Variants in TPTE observed in about 807,000 individuals in gnomAD.
TPTE encodes the protein transmembrane phosphatase with tensin homology.
A neutral mutation model predicts 84.1 loss-of-function variants in TPTE; 59 were observed. That is an observed-to-expected ratio of 0.70 (90% CI 0.57 to 0.87). The LOEUF (loss-of-function observed/expected upper bound fraction) is 0.87, where lower values mean the gene tolerates loss of function less well. TPTE is among the 40% of genes least tolerant of loss of function. The pLI is 0.00. For synonymous variants in TPTE, 130 were observed against 223.5 expected, an observed-to-expected ratio of 0.58 and a Z score of 3.73; for missense variants, 382 against 659.6, an observed-to-expected ratio of 0.58 and a Z score of 4.61.
At chr21:10,560,520 G>A (rs1486948325) in intron 9 of TPTE, among the ~76,000 whole-genome samples, 2 of 152,306 alleles carry the variant, frequency 1.3e-5, no homozygotes, top group Admixed American at 6.5e-5. Flanking sequence ...TCTGCTAGAA[G>A]CACCCATAAA....
intron 21 of TPTE, among the ~76,000 whole-genome samples, chr21:10,600,880 C>T (rs1305556753): frequency 6.6e-6 from 1 of 152,312 alleles, no homozygotes; most frequent in African/African-American, 2.4e-5. Context: ...TGGTCAAGTT[C>T]AAAGATCCCA....
At chr21:10,573,803 C>T (rs1224651730) in intron 14 of TPTE, among the ~76,000 whole-genome samples, 3 of 152,312 alleles carry the variant, frequency 2.0e-5, no homozygotes, top group African/African-American at 7.2e-5. Flanking sequence ...TGTGGTCTCT[C>T]ATTCTCCAGT....
intron 17 of TPTE, among the ~76,000 whole-genome samples, chr21:10,578,967 T>G (rs1211822923): frequency 1.3e-5 from 2 of 152,306 alleles, no homozygotes; most frequent in Admixed American, 6.5e-5. Flanking sequence ...AGGCTGATCT[T>G]TTTTATTTTT....
At chr21:10,572,467 A>AG (rs2075065171) in intron 14 of TPTE, among the ~76,000 whole-genome samples, 1 of 151,860 alleles carries the variant, frequency 6.6e-6, no homozygotes, top group African/African-American at 2.4e-5. Flanking sequence ...AAAAAAAAAA[A>AG]AAAAAGGAAA....
At chr21:10,586,645 C>T (rs2075371401) in intron 17 of TPTE, among the ~76,000 whole-genome samples, 1 of 152,306 alleles carries the variant, frequency 6.6e-6, no homozygotes, top group Admixed American at 6.5e-5. Flanking sequence ...TTCTTTCCTT[C>T]TCACCGTCTG....
At chr21:10,522,138 T>C (rs1430199910) in intron 1 of TPTE, among the ~76,000 whole-genome samples, 1 of 152,246 alleles carries the variant, frequency 6.6e-6, no homozygotes, top group Non-Finnish European at 1.5e-5. Context: ...CGGCTCTCGT[T>C]GTCTTGTCCC....
At chr21:10,521,727 G>C (rs1427767892) in intron 1 of TPTE, 33 bp downstream of exon 1, 13 of 152,790 alleles carry the variant, frequency 8.5e-5, no homozygotes, top group Admixed American at 2.6e-4. Flanking sequence ...CCGGGCGGGG[G>C]TAGGGGTGGG....
chr21:10,527,136 CTCTCT>C (rs2074093657), intron 2 of TPTE, among the ~76,000 whole-genome samples: 1 of 123,130 alleles, frequency 8.1e-6, no homozygotes, highest in African/African-American at 3.9e-5. Flanking sequence ...TGTGTCCCCT[CTCTCT>C]CTCTCTCTCT....
At chr21:10,528,190 C>T (rs556800730) in intron 3 of TPTE, among the ~76,000 whole-genome samples, 19 of 123,498 alleles carry the variant, frequency 1.5e-4, no homozygotes, top group Middle Eastern at 3.8e-3. Flanking sequence ...CAATCATAGC[C>T]AATTTGAACC....
chr21:10,540,370 C>A (rs2074347129), intron 4 of TPTE, among the ~76,000 whole-genome samples: 1 of 152,304 alleles, frequency 6.6e-6, no homozygotes. Flanking sequence ...GCTTTGTATG[C>A]AATATTGTTT....
intron 8 of TPTE, among the ~76,000 whole-genome samples, chr21:10,556,900 T>C (rs1600896416): frequency 6.6e-6 from 1 of 152,426 alleles, no homozygotes; most frequent in Admixed American, 6.5e-5. Context: ...TTTGATTTTT[T>C]TCTTGTAAAT....
intron 8 of TPTE, among the ~76,000 whole-genome samples, chr21:10,556,410 T>C (rs1438977467): frequency 6.6e-6 from 1 of 152,310 alleles, no homozygotes; most frequent in African/African-American, 2.4e-5. Context: ...CCATGGTGTA[T>C]ATGTGCCACA....
At chr21:10,522,391 G>A (rs1412903529) in intron 1 of TPTE, among the ~76,000 whole-genome samples, 2 of 152,300 alleles carry the variant, frequency 1.3e-5, no homozygotes, top group Non-Finnish European at 2.9e-5. Flanking sequence ...GTGCTGTTCC[G>A]AAAAGTTGGG....
intron 21 of TPTE, among the ~76,000 whole-genome samples, chr21:10,598,846 C>T (rs2075638310): frequency 6.6e-6 from 1 of 152,426 alleles, no homozygotes; most frequent in Non-Finnish European, 1.5e-5. Context: ...TAACCCTATT[C>T]CCTGCCATGC....
intron 10 of TPTE, among the ~76,000 whole-genome samples, chr21:10,567,341 C>T (rs1161411620): frequency 1.3e-5 from 2 of 152,280 alleles, no homozygotes; most frequent in East Asian, 1.9e-4. Flanking sequence ...TTGTTTGTAA[C>T]ATGAATGATA....
intron 7 of TPTE, among the ~76,000 whole-genome samples, chr21:10,549,674 G>A (rs1220332962): frequency 2.6e-5 from 4 of 152,306 alleles, no homozygotes; most frequent in Non-Finnish European, 4.4e-5. Context: ...AATGAAAAAA[G>A]CCTACAGGAT....
chr21:10,547,441 G>A (rs2074489390), intron 7 of TPTE, among the ~76,000 whole-genome samples: 2 of 152,312 alleles, frequency 1.3e-5, no homozygotes, highest in African/African-American at 4.8e-5. Context: ...GTAGGCAGAA[G>A]ATCCCCACCA....
intron 17 of TPTE, among the ~76,000 whole-genome samples, chr21:10,589,339 G>T (rs79866265): frequency 1.3e-5 from 2 of 150,162 alleles, no homozygotes; most frequent in African/African-American, 2.4e-5. Flanking sequence ...CCAGTAGATG[G>T]CGCCATGGGT....
chr21:10,524,578 A>T lies in TPTE; in HGVS notation c.-210-2A>T, dbSNP rs1264348157. On this transcript the variant is annotated splice_acceptor_variant, in intron 1 of 23. Transcript: ENST00000618007. LOFTEE classifies it low-confidence loss of function (5UTR_SPLICE). The stretch of plus-strand genomic sequence containing the variant: ...GATCTTGATTAAATTTCTCCCTCTT[A>T]GAGAATGTTGGACCGACGACACAAG... 6.6e-6 allele frequency: 1 copy of T among 152,482 alleles called. No homozygotes were observed. Among genetic ancestry groups the T allele is most frequent in the African/African-American group, 2.4e-5 (1 of 41,496 alleles). The allele number at this position is 152,482 out of a possible 1,614,324, so 9.4% of individuals were successfully genotyped here.
Sources: gnomAD v4.1 joint callset for allele counts (sites outside exome capture counted in the v4.1 genomes callset) on GRCh38, gnomAD v4.1.1 for gene constraint, MANE v1.5 for transcripts, NCBI Gene and HGNC (gene_info 2026-07-23, HGNC 2026-07-21) for gene names.